Variants in CNTLN observed in about 807,000 individuals in gnomAD.
CNTLN encodes the protein centlein.
In CNTLN, 212 loss-of-function variants were observed where a neutral mutation model predicts 180.0. That is an observed-to-expected ratio of 1.18 (90% confidence interval 1.05 to 1.32). The LOEUF is 1.32. Ranked by LOEUF, CNTLN falls within the 40% of genes most tolerant of loss-of-function variation. The probability of loss-of-function intolerance (pLI) is 0.00; values close to 1 mark genes in which losing one functional copy is unlikely to be tolerated. For missense variants in CNTLN, 2,095 were observed against 1,610.9 expected, an observed-to-expected ratio of 1.30 and a Z score of -5.14; for synonymous variants, 722 against 563.1, an observed-to-expected ratio of 1.28 and a Z score of -3.99.
chr9:17,453,001 AG>A (rs1255197318), intron 18 of CNTLN, among the ~76,000 whole-genome samples: 2 of 152,188 alleles, frequency 1.3e-5, no homozygotes, highest in African/African-American at 4.8e-5. Flanking sequence ...AAATTGAAAA[AG>A]AACAAAAAAA....
chr9:17,142,015 G>T (rs1818133958), intron 1 of CNTLN, among the ~76,000 whole-genome samples: 1 of 150,172 alleles, frequency 6.7e-6, no homozygotes, highest in Non-Finnish European at 1.5e-5. Flanking sequence ...CTGGGAGGCA[G>T]AGGTTGCAGT....
At chr9:17,213,189 A>G (rs186996857) in intron 2 of CNTLN, among the ~76,000 whole-genome samples, 183 of 152,298 alleles carry the variant, frequency 1.2e-3, no homozygotes, top group African/African-American at 4.3e-3. Flanking sequence ...TCCTGTGGAC[A>G]TTTAGTGCTA....
At chr9:17,477,683 C>G in intron 23 of CNTLN, among the ~76,000 whole-genome samples, 1 of 152,164 alleles carries the variant, frequency 6.6e-6, no homozygotes, top group South Asian at 2.1e-4. Flanking sequence ...GCTGCAATCT[C>G]AAAATAAAAT....
At chr9:17,225,712 A>C (rs1824422349) in intron 2 of CNTLN, among the ~76,000 whole-genome samples, 1 of 151,986 alleles carries the variant, frequency 6.6e-6, no homozygotes, top group Non-Finnish European at 1.5e-5. Flanking sequence ...CTTTGATTGT[A>C]CAACTACCAT....
At chr9:17,377,839 G>A (rs1407437990) in intron 13 of CNTLN, among the ~76,000 whole-genome samples, 1 of 152,066 alleles carries the variant, frequency 6.6e-6, no homozygotes, top group Non-Finnish European at 1.5e-5. Flanking sequence ...TTTGCTAAGT[G>A]GATGCCTGAA....
At chr9:17,334,025 G>C (rs1397252320) in intron 10 of CNTLN, among the ~76,000 whole-genome samples, 1 of 152,104 alleles carries the variant, frequency 6.6e-6, no homozygotes, top group Non-Finnish European at 1.5e-5. Flanking sequence ...GGGCATTTTT[G>C]AGGAGCAAGT....
chr9:17,366,517 G>T, intron 12 of CNTLN, 100 bp from the exon 13 acceptor site: 1 of 518,782 alleles, frequency 1.9e-6, no homozygotes, highest in Non-Finnish European at 3.4e-6. Flanking sequence ...TATCTTTACT[G>T]ACTTTGATAT....
At chr9:17,472,118 G>A (rs1832070983) in intron 23 of CNTLN, among the ~76,000 whole-genome samples, 1 of 152,026 alleles carries the variant, frequency 6.6e-6, no homozygotes, top group Non-Finnish European at 1.5e-5. Context: ...TGGAATTGAA[G>A]GCATATGGAA....
rs149916783 is a variant in CNTLN, at chr9:17,373,232, A to G, written c.1987+6515A>G. Among the ~76,000 whole-genome samples, 854 of 152,310 alleles carry G rather than the reference A, an allele frequency of 5.6e-3. 12 individuals carry two copies. Among genetic ancestry groups the G allele is most frequent in the East Asian group, 0.049 (254 of 5,182 alleles). ...AAGATTTTGTATTTGGAAAAACTTA[A>G]GAGTCCATAAAAAAACTATTAGAAA... On this transcript the variant is annotated intron_variant, in intron 13 of 25. Coordinates refer to ENST00000380647, the MANE Select transcript of CNTLN (RefSeq NM_017738.4).
chr9:17,235,627 G>C, intron 3 of CNTLN, 31 bp from the exon 4 acceptor site: 1 of 1,445,282 alleles, frequency 6.9e-7, no homozygotes, highest in Non-Finnish European at 9.1e-7. Context: ...AGAAATAAAA[G>C]CTCACCAGTA....
rs1008104273 is a variant in CNTLN at position 17,464,606 on chromosome 9, C to G, written c.3514C>G (p.Gln1172Glu). The G allele has an allele frequency of 6.8e-7, 1 of 1,473,104 alleles. No individual in the cohort carries two copies. Among genetic ancestry groups the G allele is most frequent in the Non-Finnish European group, 9.1e-7 (1 of 1,102,616 alleles). 91.3% of individuals were successfully genotyped at this position (1,473,104 alleles called of 1,614,324 possible). A position where few individuals can be genotyped will look rare whatever the true frequency, so the allele number is the denominator to read the frequency against. Residue 1172 changes from glutamine (Q) to glutamate (E), a missense_variant, in exon 21 of 26, where the codon CAA becomes GAA. Transcript: ENST00000380647. ...TAACAAGAGTTTTAGTGAAATGTTA[C>G]AAAATCTTGATAAAAAGGTATCAAT... is the stretch of plus-strand genomic sequence containing the variant. Reference protein sequence around the residue: ...ESNKSFSEMLQNLDKKVKTLT... With the variant: ...ESNKSFSEMLENLDKKVKTLT...
At chr9:17,440,700 A>C (rs76609227) in intron 18 of CNTLN, among the ~76,000 whole-genome samples, 2 of 152,204 alleles carry the variant, frequency 1.3e-5, no homozygotes, top group Non-Finnish European at 2.9e-5. Flanking sequence ...GGGTCCATCA[A>C]CTTATGAATG....
intron 23 of CNTLN, among the ~76,000 whole-genome samples, chr9:17,476,675 A>G (rs888692999): frequency 2.0e-5 from 3 of 152,210 alleles, no homozygotes; most frequent in Admixed American, 1.3e-4. Flanking sequence ...AATCCAGAGC[A>G]GGGCCCTGTC....
intron 2 of CNTLN, among the ~76,000 whole-genome samples, chr9:17,164,543 T>G (rs13286174): frequency 6.9e-6 from 1 of 145,830 alleles, no homozygotes; most frequent in Non-Finnish European, 1.5e-5. Context: ...CGGCTCACTG[T>G]GACCTCTGCC....
rs373496001 is a variant in CNTLN, at chr9:17,236,403, C to A, written c.670-6C>A. On this transcript the variant is annotated splice_polypyrimidine_tract_variant and splice_region_variant and intron_variant, in intron 4 of 25. Transcript: ENST00000380647. ...ATTTATTTGCCCTTGTGGTACTGTTCTACAGGACACTAAGGAGTGTGTACA... is the reference window on the plus strand; with the variant it reads ...ATTTATTTGCCCTTGTGGTACTGTTATACAGGACACTAAGGAGTGTGTACA... 1 of 1,589,256 alleles carries A rather than the reference C, an allele frequency of 6.3e-7. No individual in the cohort carries two copies.
intron 8 of CNTLN, among the ~76,000 whole-genome samples, chr9:17,318,012 AT>A (rs761656630): frequency 7.5e-5 from 11 of 147,608 alleles, no homozygotes; most frequent in South Asian, 2.2e-4. Context: ...ATCTAACTGA[AT>A]TTTTTTTTTC....
chr9:17,162,619 A>G (rs936571899), intron 2 of CNTLN, among the ~76,000 whole-genome samples: 1 of 152,224 alleles, frequency 6.6e-6, no homozygotes, highest in Non-Finnish European at 1.5e-5. Flanking sequence ...GGACCTCATT[A>G]AACATATAGG....
In CNTLN at chr9:17,153,646, C is replaced by T. The variant is rs2131532472; in HGVS notation, c.449+10270C>T. On this transcript the variant is annotated intron_variant, in intron 2 of 25. Transcript: ENST00000380647. ...GATTATGTGTCTTGGGGTTGCTCTT[C>T]TCAAGGAGTATCTTTGTGGCATTCT... Among the ~76,000 whole-genome samples, 3 of 152,266 alleles carry T rather than the reference C, an allele frequency of 2.0e-5. No homozygotes were observed. In the Middle Eastern group the frequency reaches 0.01, roughly 518 times the overall value.
At chr9:17,264,947 C>T (rs1264519332) in intron 5 of CNTLN, among the ~76,000 whole-genome samples, 182 of 146,192 alleles carry the variant, frequency 1.2e-3, no homozygotes, top group African/African-American at 4.4e-3. Context: ...GGGGCTGAGA[C>T]AATGGGGTTT....
Sources: allele counts gnomAD v4.1 joint callset (sites outside exome capture counted in the v4.1 genomes callset), GRCh38; gene constraint gnomAD v4.1.1; transcripts MANE v1.5; gene names NCBI Gene and HGNC (gene_info 2026-07-23, HGNC 2026-07-21).